The following BAIAP2L1 variants were observed in gnomAD, a reference collection of about 807,000 sequenced individuals.
BAIAP2L1 encodes the protein BAR/IMD domain-containing adapter protein 2-like 1.
A neutral mutation model predicts 66.3 loss-of-function variants in BAIAP2L1; 35 were observed. That is an observed-to-expected ratio of 0.53 (90% CI 0.40 to 0.70). BAIAP2L1 has a LOEUF of 0.70. BAIAP2L1 is among the 30% of genes least tolerant of loss of function. The pLI is 0.00. For missense variants in BAIAP2L1, 622 were observed against 656.9 expected (o/e 0.95, Z 0.58); for synonymous variants, 269 against 248.7 (o/e 1.08, Z -0.77).
chr7:98,340,381 G>A (rs1433105808), intron 3 of BAIAP2L1, among the ~76,000 whole-genome samples: 2 of 152,078 alleles, frequency 1.3e-5, no homozygotes, highest in Admixed American at 6.6e-5. Context: ...TCTGCCTCCC[G>A]GGTTCACGCC....
intron 1 of BAIAP2L1, among the ~76,000 whole-genome samples, chr7:98,367,211 G>GAGTTCCCA (rs1427681853): frequency 6.6e-6 from 1 of 152,112 alleles, no homozygotes; most frequent in Non-Finnish European, 1.5e-5. Flanking sequence ...ATAATACACA[G>GAGTTCCCA]AGTTCCCAGG....
intron 3 of BAIAP2L1, among the ~76,000 whole-genome samples, chr7:98,340,533 C>T (rs1411066743): frequency 4.6e-5 from 7 of 152,028 alleles, no homozygotes; most frequent in South Asian, 2.1e-4. Context: ...GTGATCCACC[C>T]GCCTCGGCCT....
chr7:98,324,609 G>A (rs1341212321), intron 3 of BAIAP2L1, among the ~76,000 whole-genome samples: 1 of 152,010 alleles, frequency 6.6e-6, no homozygotes, highest in African/African-American at 2.4e-5. Context: ...GCACTTTTTC[G>A]GGTTCAGGCG....
chr7:98,376,156 CCTTTATG>C (rs766370113), intron 1 of BAIAP2L1, among the ~76,000 whole-genome samples: 21 of 152,192 alleles, frequency 1.4e-4, no homozygotes, highest in Non-Finnish European at 2.4e-4. Flanking sequence ...ACACGGTATC[CCTTTATG>C]ATGGTTTAAG....
chr7:98,395,302 G>A (rs1436838500), intron 1 of BAIAP2L1, among the ~76,000 whole-genome samples: 1 of 152,046 alleles, frequency 6.6e-6, no homozygotes, highest in Non-Finnish European at 1.5e-5. Flanking sequence ...AGCTGGGCAT[G>A]GTGGCATAAG....
rs1450669296 is a variant in BAIAP2L1 at position 98,395,110 on chromosome 7, C to CA, written c.51+5691dup. Among the ~76,000 whole-genome samples, 8 of 150,546 alleles carry CA rather than the reference C, an allele frequency of 5.3e-5. No individual in the cohort carries two copies. The East Asian group carries it at 5.9e-4, about 11-fold the overall frequency. ...TGGGTGACAGAGCAAGACTCCGTCT[C>CA]AAAAAAACAAAACAAAACAAAACCA... On this transcript the variant is annotated intron_variant, in intron 1 of 13. Transcript: ENST00000005260.
chr7:98,344,658 GGGCGTTGT>G (rs1164009266), intron 3 of BAIAP2L1, among the ~76,000 whole-genome samples: 1 of 152,198 alleles, frequency 6.6e-6, no homozygotes, highest in Non-Finnish European at 1.5e-5. Flanking sequence ...GAAGTAGGCT[GGGCGTTGT>G]GGCTCACGCC....
intron 9 of BAIAP2L1, chr7:98,309,851 C>G (rs1800804810): frequency 6.6e-6 from 1 of 151,850 alleles, no homozygotes; most frequent in African/African-American, 2.5e-5. Flanking sequence ...CATCTGCAGA[C>G]AGTCACTGGC....
At chr7:98,351,344 C>A (rs746765837) in intron 3 of BAIAP2L1, among the ~76,000 whole-genome samples, 1 of 152,206 alleles carries the variant, frequency 6.6e-6, no homozygotes, top group Non-Finnish European at 1.5e-5. Context: ...ACCTTTAATA[C>A]CAGAGATGCC....
chr7:98,390,182 TG>T (rs1474922529), intron 1 of BAIAP2L1, among the ~76,000 whole-genome samples: 1 of 151,844 alleles, frequency 6.6e-6, no homozygotes, highest in Non-Finnish European at 1.5e-5. Flanking sequence ...CCCAAAGTGC[TG>T]GGATTACAGG....
At chr7:98,328,142 G>A (rs970253077) in intron 3 of BAIAP2L1, among the ~76,000 whole-genome samples, 3 of 152,006 alleles carry the variant, frequency 2.0e-5, no homozygotes, top group African/African-American at 7.3e-5. Flanking sequence ...AGTCAGAAGC[G>A]ACTGCTGACC....
intron 1 of BAIAP2L1, among the ~76,000 whole-genome samples, chr7:98,395,595 T>C (rs1459087662): frequency 2.0e-5 from 3 of 152,290 alleles, no homozygotes; most frequent in Middle Eastern, 3.4e-3. Flanking sequence ...TAGTGAGCTA[T>C]GTATACTTAA....
At chr7:98,368,283 G>A (rs1386164445) in intron 1 of BAIAP2L1, among the ~76,000 whole-genome samples, 4 of 152,136 alleles carry the variant, frequency 2.6e-5, no homozygotes, top group East Asian at 3.9e-4. Context: ...AGCGGGCGTG[G>A]TGGCGTTTGC....
chr7:98,369,341 G>C (rs1264192346), intron 1 of BAIAP2L1, among the ~76,000 whole-genome samples: 4 of 152,050 alleles, frequency 2.6e-5, no homozygotes, highest in Non-Finnish European at 5.9e-5. Context: ...AAATTTGCTG[G>C]GCACGGCGGT....
At chr7:98,295,808 G>A (rs1800165488) in intron 12 of BAIAP2L1, among the ~76,000 whole-genome samples, 1 of 152,050 alleles carries the variant, frequency 6.6e-6, no homozygotes. Context: ...GGCCCCCACG[G>A]GACTTTAAAA....
rs1554412623 is a variant in BAIAP2L1 at position 98,315,625 on chromosome 7, A to AAAAT, written c.487-14_487-13insATTT. 2 of 1,131,182 alleles carry AAAAT rather than the reference A, an allele frequency of 1.8e-6. No individual in the cohort carries two copies. Among genetic ancestry groups the AAAAT allele is most frequent in the African/African-American group, 3.3e-5 (2 of 60,362 alleles). 70.1% of individuals were successfully genotyped at this position (1,131,182 alleles called of 1,614,324 possible). A position where few individuals can be genotyped will look rare whatever the true frequency, so the allele number is the denominator to read the frequency against. On this transcript the variant is annotated splice_polypyrimidine_tract_variant and intron_variant, in intron 6 of 13. Transcript: ENST00000005260. ...CGGTCTCCACATACTAAAAAAAAAA[A>AAAAT]AATAATAATAATAATAATTATATAA...
chr7:98,341,285 G>A (rs1282821352), intron 3 of BAIAP2L1, among the ~76,000 whole-genome samples: 2 of 152,162 alleles, frequency 1.3e-5, no homozygotes, highest in Non-Finnish European at 2.9e-5. Flanking sequence ...ATACTCACAT[G>A]GTTAGTCAGC....
intron 3 of BAIAP2L1, among the ~76,000 whole-genome samples, chr7:98,342,041 A>ATT (rs142061599): frequency 2.6e-3 from 247 of 95,000 alleles, no homozygotes; most frequent in African/African-American, 4.4e-3. Context: ...TTTTTTTCTG[A>ATT]TTTTTTTTTT....
At chr7:98,321,962 G>A (rs1026420723) in intron 3 of BAIAP2L1, among the ~76,000 whole-genome samples, 3 of 152,166 alleles carry the variant, frequency 2.0e-5, no homozygotes, top group African/African-American at 7.2e-5. Flanking sequence ...TGGGCATGAT[G>A]GCACGTGCCT....
Sources: allele counts gnomAD v4.1 joint callset (sites outside exome capture counted in the v4.1 genomes callset), GRCh38; gene constraint gnomAD v4.1.1; transcripts MANE v1.5; gene names NCBI Gene and HGNC (gene_info 2026-07-23, HGNC 2026-07-21).